Variants in KIAA1549L observed in about 807,000 individuals in gnomAD.
KIAA1549L encodes UPF0606 protein KIAA1549L.
Under a neutral mutation model 160.7 loss-of-function variants are expected in KIAA1549L, and 88 were observed. The ratio of observed to expected loss-of-function variants is 0.55; its 90% CI spans 0.46 to 0.65. The LOEUF (loss-of-function observed/expected upper bound fraction) is 0.65. Among genes scored for constraint, KIAA1549L ranks in the 30% least tolerant of loss-of-function variants. KIAA1549L has a pLI of 0.00. For missense variants in KIAA1549L, 2,258 were observed against 2,437.5 expected (o/e 0.93, Z 1.55); for synonymous variants, 950 against 976.7 (o/e 0.97, Z 0.51).
intron 1 of KIAA1549L, among the ~76,000 whole-genome samples, chr11:33,398,990 T>C (rs997033795): frequency 3.3e-5 from 5 of 150,784 alleles, no homozygotes; most frequent in African/African-American, 1.2e-4. Flanking sequence ...TCTTGCTCTG[T>C]CACCCAGGCT....
chr11:33,477,500 G>C (rs996747124), intron 1 of KIAA1549L, among the ~76,000 whole-genome samples: 2 of 142,130 alleles, frequency 1.4e-5, no homozygotes, highest in Admixed American at 7.0e-5. Flanking sequence ...GTGCCACGCA[G>C]GTGCACGCAC....
At chr11:33,419,427 T>A (rs993084272) in intron 1 of KIAA1549L, among the ~76,000 whole-genome samples, 1 of 152,246 alleles carries the variant, frequency 6.6e-6, no homozygotes, top group African/African-American at 2.4e-5. Flanking sequence ...CACAATGTAT[T>A]TCTATTCTTG....
At position 33,667,871 on chromosome 11, in the gene KIAA1549L, A is replaced by G; in HGVS notation, c.6160-2A>G. 1 of 1,607,632 alleles carries G rather than the reference A, an allele frequency of 6.2e-7. No homozygotes were observed. Among genetic ancestry groups the G allele is most frequent in the Non-Finnish European group, 8.5e-7 (1 of 1,176,320 alleles). ...GTCCTTCTCTCCCCACGCCCTCTGC[A>G]GGTGCCCCTCCCAGGGTACATCGAG... On this transcript the variant is annotated splice_acceptor_variant, in intron 20 of 20. Transcript: ENST00000658780. LOFTEE classifies it high-confidence loss of function.
chr11:33,511,903 A>C (rs1853235178), intron 1 of KIAA1549L, among the ~76,000 whole-genome samples: 2 of 152,244 alleles, frequency 1.3e-5, no homozygotes, highest in Admixed American at 1.3e-4. Flanking sequence ...ATGCATCTGA[A>C]AGGCTCAGCT....
Position 33,609,865 on chromosome 11 carries a change from G to C in KIAA1549L, c.5178G>C (p.Leu1726=), listed in dbSNP as rs764834207. The C allele has an allele frequency of 1.2e-6, 2 of 1,613,888 alleles. No homozygotes were observed. The highest frequency in any genetic ancestry group is 3.3e-5 in the Admixed American group (2 of 60,004). The change falls in exon 15 of 21, where the codon CTG becomes CTC. Residue 1726 remains leucine (L), a synonymous_variant. Coordinates refer to ENST00000658780, the MANE Select transcript of KIAA1549L (RefSeq NM_012194.3). ...DFPAVETSKG[L]TERKKMYEKA... ...CTGCAGTGGAGACGAGCAAGGGTCT[G>C]ACCGAAAGAAAGAAGATGTATGAAA...
intron 16 of KIAA1549L, among the ~76,000 whole-genome samples, chr11:33,625,267 T>C (rs940122449): frequency 1.3e-5 from 2 of 152,062 alleles, no homozygotes; most frequent in Non-Finnish European, 2.9e-5. Context: ...CCTTTGGGTA[T>C]ATACCCAGTA....
intron 1 of KIAA1549L, among the ~76,000 whole-genome samples, chr11:33,422,558 C>A (rs1590233611): frequency 8.6e-6 from 1 of 116,948 alleles, no homozygotes; most frequent in Non-Finnish European, 1.8e-5. Flanking sequence ...TTCCCCCCCT[C>A]CTCTCCCTCC....
At chr11:33,574,603 T>C in intron 9 of KIAA1549L, 99 bp from the exon 10 acceptor site, 1 of 1,138,086 alleles carries the variant, frequency 8.8e-7, no homozygotes, top group Non-Finnish European at 1.2e-6. Flanking sequence ...GCCACAGAAG[T>C]CTTCAGCAGT....
chr11:33,643,352 C>T (rs946581626), intron 16 of KIAA1549L, among the ~76,000 whole-genome samples: 7 of 152,172 alleles, frequency 4.6e-5, no homozygotes, highest in African/African-American at 1.7e-4. Flanking sequence ...TACTACCCCA[C>T]CCCAGGGCTC....
intron 13 of KIAA1549L, among the ~76,000 whole-genome samples, chr11:33,604,382 CA>C (rs1281520043): frequency 3.3e-5 from 5 of 152,088 alleles, no homozygotes; most frequent in African/African-American, 1.2e-4. Context: ...AACCCCTATG[CA>C]AAACAGTACA....
At chr11:33,397,352 C>A (rs1367111884) in intron 1 of KIAA1549L, among the ~76,000 whole-genome samples, 2 of 129,488 alleles carry the variant, frequency 1.5e-5, no homozygotes, top group Non-Finnish European at 1.7e-5. Flanking sequence ...AAAAAAAATT[C>A]AAAAATGAAT....
chr11:33,462,674 A>G (rs1851963741), intron 1 of KIAA1549L, among the ~76,000 whole-genome samples: 1 of 152,186 alleles, frequency 6.6e-6, no homozygotes, highest in Admixed American at 6.5e-5. Context: ...CTCATGGACC[A>G]GTGACTTTCA....
intron 13 of KIAA1549L, among the ~76,000 whole-genome samples, chr11:33,603,927 C>G (rs1850430624): frequency 6.6e-6 from 1 of 152,022 alleles, no homozygotes; most frequent in Non-Finnish European, 1.5e-5. Context: ...GGCGGGAAGA[C>G]CTTGGTTTTA....
chr11:33,612,827 A>G (rs773143091), intron 15 of KIAA1549L, among the ~76,000 whole-genome samples: 76 of 152,104 alleles, frequency 5.0e-4, no homozygotes, highest in Non-Finnish European at 7.8e-4. Context: ...ATCATTTAGC[A>G]CCCACTTATA....
chr11:33,465,352 C>T (rs1852034428), intron 1 of KIAA1549L, among the ~76,000 whole-genome samples: 1 of 152,096 alleles, frequency 6.6e-6, no homozygotes, highest in Non-Finnish European at 1.5e-5. Context: ...CCGTGCCCGG[C>T]CCCAGGGGAC....
chr11:33,646,087 G>C (rs1372766026), intron 17 of KIAA1549L, 51 bp downstream of exon 17: 2 of 1,394,248 alleles, frequency 1.4e-6, no homozygotes, highest in African/African-American at 2.9e-5. Context: ...TCTGCCCAGT[G>C]AGTTCCAACA....
intron 16 of KIAA1549L, among the ~76,000 whole-genome samples, chr11:33,638,422 T>TAAAAA (rs371077129): frequency 2.3e-4 from 10 of 43,628 alleles, no homozygotes; most frequent in East Asian, 1.3e-3. Context: ...CTAAAATAAA[T>TAAAAA]AAAAAAAAAA....
chr11:33,480,395 A>G (rs1171445903), intron 1 of KIAA1549L, among the ~76,000 whole-genome samples: 1 of 152,094 alleles, frequency 6.6e-6, no homozygotes, highest in Non-Finnish European at 1.5e-5. Context: ...ATAATACTCA[A>G]TTGTATAGAT....
intron 1 of KIAA1549L, among the ~76,000 whole-genome samples, chr11:33,425,073 C>G (rs1851089509): frequency 3.3e-5 from 5 of 152,156 alleles, no homozygotes; most frequent in Admixed American, 3.3e-4. Flanking sequence ...TTTCTAGATA[C>G]CAAACTTTGA....
Sources: gnomAD v4.1 joint callset for allele counts (sites outside exome capture counted in the v4.1 genomes callset) on GRCh38, gnomAD v4.1.1 for gene constraint, MANE v1.5 for transcripts, NCBI Gene and HGNC (gene_info 2026-07-23, HGNC 2026-07-21) for gene names.